Variants in SHANK1 observed in about 807,000 individuals in gnomAD.
SHANK1 encodes the protein SH3 and multiple ankyrin repeat domains protein 1.
SHANK1 carries 35 observed loss-of-function variants against 165.6 expected under a neutral mutation model. The ratio of observed to expected loss-of-function variants is 0.21; its 90% CI spans 0.16 to 0.28. SHANK1 has a LOEUF of 0.28. Among genes scored for constraint, SHANK1 ranks in the 10% least tolerant of loss-of-function variants. The pLI, the probability that SHANK1 is intolerant of heterozygous loss-of-function variation, is 1.00. For missense variants in SHANK1, 2,681 were observed against 3,036.4 expected (o/e 0.88, Z 2.75); for synonymous variants, 1,428 against 1,384.8 (o/e 1.03, Z -0.69).
chr19:50,711,391 T>C lies in SHANK1; in HGVS notation c.1057A>G (p.Ile353Val). 1 of 1,557,154 alleles carries C rather than the reference T, an allele frequency of 6.4e-7. No homozygotes were observed. Among genetic ancestry groups the C allele is most frequent in the Non-Finnish European group, 8.7e-7 (1 of 1,150,172 alleles). ...QNASGNTALH[I>V]CALYNKETCA... is the part of the protein sequence containing the mutation. ...CAGACCTTGTTGTAGAGGGCGCAGA[T>C]GTGCAGAGCCGTGTTCCCCGAGGCG... The change falls in exon 8 of 24, where the codon ATC (isoleucine) becomes GTC (valine). Residue 353 changes from isoleucine to valine, a missense_variant. Transcript: ENST00000293441.
chr19:50,668,898 G>T lies in SHANK1; in HGVS notation c.3062C>A (p.Pro1021His). 7.6e-7 allele frequency: 1 copy of T among 1,314,234 alleles called. No individual in the cohort carries two copies. Among genetic ancestry groups the T allele is most frequent in the Non-Finnish European group, 9.7e-7 (1 of 1,033,916 alleles). The allele number at this position is 1,314,234 out of a possible 1,614,324, so 81.4% of individuals were successfully genotyped here. ...GCCTGTCTCCATCTCGGGAGGATGAGGGGGGTGGGCGTGGTGGTGGTGGGG... is the reference window on the plus strand; with the variant it reads ...GCCTGTCTCCATCTCGGGAGGATGATGGGGGTGGGCGTGGTGGTGGTGGGG... ...PQPHHHHAHP[P>H]HPPEMETGGS... The change falls in exon 23 of 24, where the codon CCT (proline) becomes CAT (histidine). Residue 1021 changes from proline (P) to histidine (H), a missense_variant. Pro to His is a moderately conservative substitution (Grantham distance 77, BLOSUM62 -2). Transcript: ENST00000293441.
chr19:50,683,003 G>A (rs2123120059), intron 21 of SHANK1, among the ~76,000 whole-genome samples: 1 of 152,154 alleles, frequency 6.6e-6, no homozygotes, highest in Admixed American at 6.5e-5. Context: ...CTAATTTTTT[G>A]TATTTTTAGT....
chr19:50,680,671 C>CTTT (rs764565419), intron 21 of SHANK1, among the ~76,000 whole-genome samples: 24,270 of 144,322 alleles, frequency 0.17, 4,130 homozygotes, highest in African/African-American at 0.44. Flanking sequence ...TTTTTTTTTC[C>CTTT]CCGAGACAGA....
Position 50,666,498 on chromosome 19 carries a change from TCTGGCTCTA to T in SHANK1, c.5453_5461del (p.Val1818_Pro1820del). ...CGTCGGCAAGGGCACCGGTGGGACT[TCTGGCTCTA>T]CAGCCACCGGACCCCCCGCCACGCC... is the stretch of plus-strand genomic sequence containing the variant. On this transcript the variant is annotated inframe_deletion, in exon 23 of 24. Coordinates refer to ENST00000293441, the MANE Select transcript of SHANK1 (RefSeq NM_016148.5). 6.3e-7 allele frequency: 1 copy of T among 1,593,464 alleles called. No individual in the cohort carries two copies. Among genetic ancestry groups the T allele is most frequent in the Non-Finnish European group, 8.5e-7 (1 of 1,172,720 alleles).
intron 21 of SHANK1, among the ~76,000 whole-genome samples, chr19:50,673,687 GC>G (rs1985881557): frequency 6.6e-6 from 1 of 152,044 alleles, no homozygotes; most frequent in Non-Finnish European, 1.5e-5. Flanking sequence ...AGTGTCTAGG[GC>G]CCATGATGCT....
intron 21 of SHANK1, among the ~76,000 whole-genome samples, chr19:50,673,437 C>T (rs545737976): frequency 8.5e-5 from 13 of 152,246 alleles, no homozygotes; most frequent in African/African-American, 2.9e-4. Flanking sequence ...AGAACACCTG[C>T]GAGCCCTGGT....
intron 6 of SHANK1, 107 bp from the exon 7 acceptor site, chr19:50,712,221 T>G: frequency 1.7e-6 from 2 of 1,184,450 alleles, no homozygotes; most frequent in South Asian, 3.1e-5. Flanking sequence ...TGACCTACAG[T>G]GGCCAATGAC....
Position 50,717,769 on chromosome 19 carries a change from G to A in SHANK1, c.-43-807C>T, listed in dbSNP as rs764197662. The stretch of plus-strand genomic sequence containing the variant: ...AGATGTGGGTGGCTGCAGATGACCT[G>A]TAGCTCTTTTCTAGGACTGCAGGGT... On this transcript the variant is annotated intron_variant, in intron 1 of 23. Transcript: ENST00000293441. The surrounding 1 kb of genome is among the most constrained non-coding windows in gnomAD (Gnocchi z 5.5). Among the ~76,000 whole-genome samples the A allele has an allele frequency of 2.0e-5, 3 of 151,938 alleles. No homozygotes were observed. Among genetic ancestry groups the A allele is most frequent in the Non-Finnish European group, 4.4e-5 (3 of 67,966 alleles).
In SHANK1 at chr19:50,712,096, C is replaced by A. The variant is rs2089017106; in HGVS notation, c.811G>T (p.Gly271Cys). ...LALTALLDLGGSPNYKDRRGL... is the reference protein window; with the variant it reads ...LALTALLDLGCSPNYKDRRGL... Reference sequence around the variant, plus strand: ...CGACGGTCCTTGTAGTTGGGGGAACCCCCAAGGTCCAGGAGCGCCTAGGAA... The same window carrying A: ...CGACGGTCCTTGTAGTTGGGGGAACACCCAAGGTCCAGGAGCGCCTAGGAA... Residue 271 changes from glycine to cysteine, a missense_variant, in exon 7 of 24, where the codon GGT (glycine) becomes TGT (cysteine). Physicochemically the swap from Gly to Cys is radical, Grantham distance 159. Coordinates refer to ENST00000293441, the MANE Select transcript of SHANK1 (RefSeq NM_016148.5). 1 of 1,603,152 alleles carries A rather than the reference C, an allele frequency of 6.2e-7. No homozygotes were observed. The highest frequency in any genetic ancestry group is 8.5e-7 in the Non-Finnish European group (1 of 1,175,104).
chr19:50,699,114 G>C (rs538704785), intron 12 of SHANK1, among the ~76,000 whole-genome samples: 2 of 152,320 alleles, frequency 1.3e-5, no homozygotes, highest in South Asian at 4.2e-4. Context: ...GAGAGCATCT[G>C]GGGAGACCAA....
intron 21 of SHANK1, among the ~76,000 whole-genome samples, chr19:50,680,944 C>CTGTACCTGGCCTATTTTCTTTT (rs1986159263): frequency 6.6e-6 from 1 of 152,184 alleles, no homozygotes; most frequent in African/African-American, 2.4e-5. Flanking sequence ...GCGTGAGCCA[C>CTGTACCTGGCCTATTTTCTTTT]CACGCCTGGC....
chr19:50,669,681 C>T (rs1326798609), intron 22 of SHANK1, among the ~76,000 whole-genome samples: 3 of 151,800 alleles, frequency 2.0e-5, no homozygotes, highest in Non-Finnish European at 2.9e-5. Context: ...CACGTATATG[C>T]GGGAAAGAAA....
chr19:50,711,331 G>T, intron 8 of SHANK1, 40 bp downstream of exon 8: 1 of 1,411,696 alleles, frequency 7.1e-7, no homozygotes. Flanking sequence ...GGCGGCTATC[G>T]GGGATGTGAG....
At position 50,686,414 on chromosome 19, in the gene SHANK1, C is replaced by G. The variant is rs953527835; in HGVS notation, c.2459-59G>C. 2 of 1,300,754 alleles carry G rather than the reference C, an allele frequency of 1.5e-6. No individual in the cohort carries two copies. The highest frequency in any genetic ancestry group is 1.4e-5 in the South Asian group (1 of 71,928). 80.6% of individuals were successfully genotyped at this position (1,300,754 alleles called of 1,614,324 possible). On this transcript the variant is annotated intron_variant, in intron 20 of 23. Coordinates refer to ENST00000293441, the MANE Select transcript of SHANK1 (RefSeq NM_016148.5). This position sits in a 1 kb window ranked among gnomAD's most constrained non-coding sequence, Gnocchi z 5.7. ...CAATGAAATGAAGTTTGCTTTGACC[C>G]GGGCCGCAAAGACCAGAGCTGCCGC...
At chr19:50,703,324 C>T (rs552193934) in intron 11 of SHANK1, among the ~76,000 whole-genome samples, 176 bp downstream of exon 11, 8 of 152,224 alleles carry the variant, frequency 5.3e-5, no homozygotes, top group East Asian at 1.9e-4. Context: ...TGTGGTGCAC[C>T]GGGGGTGGAG....
At chr19:50,693,000 C>T (rs534711442) in intron 15 of SHANK1, among the ~76,000 whole-genome samples, 2 of 151,514 alleles carry the variant, frequency 1.3e-5, no homozygotes, top group African/African-American at 4.9e-5. Flanking sequence ...CCTCCTGCAC[C>T]TCCGTAAGTA....
At chr19:50,699,427 G>A (rs1237369344) in intron 12 of SHANK1, among the ~76,000 whole-genome samples, 1 of 152,200 alleles carries the variant, frequency 6.6e-6, no homozygotes, top group Non-Finnish European at 1.5e-5. Flanking sequence ...AGGGTGTTTG[G>A]AGAGAAGCCA....
Position 50,683,692 on chromosome 19 carries a change from C to T in SHANK1, c.2577+2545G>A, listed in dbSNP as rs541480068. ...AGACACTCGTTCACAGTATAAGAGCCGAAATGAGAAGGCACCCTCGTTCAG... is the reference window on the plus strand; with the variant it reads ...AGACACTCGTTCACAGTATAAGAGCTGAAATGAGAAGGCACCCTCGTTCAG... On this transcript the variant is annotated intron_variant, in intron 21 of 23. Coordinates refer to ENST00000293441, the MANE Select transcript of SHANK1 (RefSeq NM_016148.5). 7.9e-5 allele frequency among the ~76,000 whole-genome samples: 12 copies of T among 152,192 alleles called. No homozygotes were observed. In the South Asian group the frequency reaches 1.2e-3, roughly 16 times the overall value.
Position 50,668,785 on chromosome 19 carries a change from G to C in SHANK1, c.3175C>G (p.Pro1059Ala). The C allele has an allele frequency of 1.6e-6, 2 of 1,270,378 alleles. No homozygotes were observed. Among genetic ancestry groups the C allele is most frequent in the Non-Finnish European group, 2.0e-6 (2 of 1,013,878 alleles). 78.7% of individuals were successfully genotyped at this position (1,270,378 alleles called of 1,614,324 possible). A position where few individuals can be genotyped will look rare whatever the true frequency, so the allele number is the denominator to read the frequency against. Residue 1059 changes from proline (P) to alanine (A), a missense_variant, in exon 23 of 24, where the codon CCG (proline) becomes GCG (alanine). By Grantham distance (27) the Pro-to-Ala change is conservative. Coordinates refer to ENST00000293441, the MANE Select transcript of SHANK1 (RefSeq NM_016148.5). The part of the protein sequence containing the change: ...GWRGGGPSPT[P>A]GAPSPSHHGS... The stretch of plus-strand genomic sequence containing the variant: ...TGGTGCGATGGGGACGGGGCCCCCG[G>C]GGTCGGGCTGGGCCCGCCGCCCCTC...
Sources: allele counts gnomAD v4.1 joint callset (sites outside exome capture counted in the v4.1 genomes callset), GRCh38; gene constraint gnomAD v4.1.1; non-coding constraint Gnocchi (gnomAD v3.1); transcripts MANE v1.5; gene names NCBI Gene and HGNC (gene_info 2026-07-23, HGNC 2026-07-21).